Variants in PCDHGB2 observed in about 807,000 individuals in gnomAD.
PCDHGB2 encodes protocadherin gamma subfamily B, 2.
In PCDHGB2, 55 loss-of-function variants were observed where a neutral mutation model predicts 59.3. The observed-to-expected ratio is 0.93, with a 90% CI of 0.75 to 1.16. The LOEUF (loss-of-function observed/expected upper bound fraction) is 1.16, where lower values mean the gene tolerates loss of function less well. PCDHGB2 is among the 50% of genes most tolerant of loss of function. The pLI is 0.00. For missense variants in PCDHGB2, 1,228 were observed against 1,198.5 expected (o/e 1.02, Z -0.36); for synonymous variants, 516 against 512.0 (o/e 1.01, Z -0.11).
chr5:141,367,277 G>T (rs1319740168), intron 1 of PCDHGB2: 2 of 153,324 alleles, frequency 1.3e-5, no homozygotes, highest in African/African-American at 4.8e-5. Context: ...GGTGGCTGAC[G>T]CCTGTAATCC....
intron 1 of PCDHGB2, among the ~76,000 whole-genome samples, chr5:141,450,166 T>TCCCACCACACC (rs1046248061): frequency 2.0e-5 from 3 of 151,062 alleles, no homozygotes; most frequent in African/African-American, 7.3e-5. Flanking sequence ...GCCACCACAC[T>TCCCACCACACC]CCCACCACAC....
chr5:141,456,140 G>A (rs1032104368), intron 1 of PCDHGB2, among the ~76,000 whole-genome samples: 38 of 152,022 alleles, frequency 2.5e-4, no homozygotes, highest in African/African-American at 8.7e-4. Flanking sequence ...CTCCTGATCC[G>A]CCCGCCTCGG....
chr5:141,433,192 A>G (rs756991371), intron 1 of PCDHGB2: 1 of 1,585,516 alleles, frequency 6.3e-7, no homozygotes, highest in Non-Finnish European at 8.6e-7. Flanking sequence ...AGGTGAGTTT[A>G]TATCAAATCT....
rs922592733 is a variant in PCDHGB2 at position 141,487,979 on chromosome 5, C to T, written c.2422-6828C>T. Among the ~76,000 whole-genome samples the T allele has an allele frequency of 1.3e-5, 2 of 152,178 alleles. No individual in the cohort carries two copies. Among genetic ancestry groups the T allele is most frequent in the African/African-American group, 4.8e-5 (2 of 41,442 alleles). The stretch of plus-strand genomic sequence containing the variant: ...TGGACAAAGGTGGCTGTTTTCTCTA[C>T]TCTTCCTGAAAGAGGGGATCAGATT... On this transcript the variant is annotated intron_variant, in intron 1 of 3. Coordinates refer to ENST00000522605, the MANE Select transcript of PCDHGB2 (RefSeq NM_018923.3). The surrounding 1 kb of genome is among the most constrained non-coding windows in gnomAD (Gnocchi z 5.0).
chr5:141,393,080 G>A (rs747012880), intron 1 of PCDHGB2: 1 of 1,613,694 alleles, frequency 6.2e-7, no homozygotes, highest in Non-Finnish European at 8.5e-7. Flanking sequence ...CCGCGGGCAG[G>A]ATAGATCGGG....
rs146273580 is a variant in PCDHGB2 at position 141,382,696 on chromosome 5, A to C, written c.2421+20140A>C. 2.9e-3 allele frequency: 1,317 copies of C among 455,920 alleles called. 5 individuals are homozygous for C. The highest frequency in any genetic ancestry group is 2.7e-3 in the Non-Finnish European group (706 of 261,386). 28.2% of individuals were successfully genotyped at this position (455,920 alleles called of 1,614,324 possible). A position where few individuals can be genotyped will look rare whatever the true frequency, so the allele number is the denominator to read the frequency against. ...TCACCAACCAGGGAAAAATGGTGCG[A>C]GAGATCCCACAGAAACCACCGAGTT... On this transcript the variant is annotated intron_variant, in intron 1 of 3. Transcript: ENST00000522605.
chr5:141,485,093 T>C lies in PCDHGB2; in HGVS notation c.2422-9714T>C. 1 of 1,076,296 alleles carries C rather than the reference T, an allele frequency of 9.3e-7. No homozygotes were observed. Among genetic ancestry groups the C allele is most frequent in the Non-Finnish European group, 1.4e-6 (1 of 718,118 alleles). 66.7% of individuals were successfully genotyped at this position (1,076,296 alleles called of 1,614,324 possible). ...TGGCGCGGGGAAAGGGAGATAGGTG[T>C]CTCCAGCTGCTGTGGCTGTTTGGGG... On this transcript the variant is annotated intron_variant, in intron 1 of 3. Coordinates refer to ENST00000522605, the MANE Select transcript of PCDHGB2 (RefSeq NM_018923.3). The surrounding 1 kb of genome is among the most constrained non-coding windows in gnomAD (Gnocchi z 5.7).
chr5:141,371,347 G>A (rs755497433), intron 1 of PCDHGB2: 1 of 1,613,960 alleles, frequency 6.2e-7, no homozygotes, highest in Non-Finnish European at 8.5e-7. Flanking sequence ...TACACAATTG[G>A]GGTGGAAGCA....
At chr5:141,480,295 G>A (rs1190133739) in intron 1 of PCDHGB2, among the ~76,000 whole-genome samples, 2 of 133,330 alleles carry the variant, frequency 1.5e-5, no homozygotes, top group Admixed American at 7.4e-5. Context: ...TGCACCTGTG[G>A]TACCAGCTAC....
At chr5:141,371,163 G>A (rs79773129) in intron 1 of PCDHGB2, 6 of 1,613,984 alleles carry the variant, frequency 3.7e-6, no homozygotes, top group African/African-American at 1.3e-5. Flanking sequence ...GAACCTGCCC[G>A]CTGGCTCCTC....
At chr5:141,414,639 T>A in intron 1 of PCDHGB2, 1 of 1,613,966 alleles carries the variant, frequency 6.2e-7, no homozygotes, top group South Asian at 1.1e-5. Context: ...GCAAAGAGAA[T>A]GCCCAGATTA....
chr5:141,433,408 A>T lies in PCDHGB2; in HGVS notation c.2422-61399A>T, dbSNP rs1052180455. On this transcript the variant is annotated intron_variant, in intron 1 of 3. Coordinates refer to ENST00000522605, the MANE Select transcript of PCDHGB2 (RefSeq NM_018923.3). Reference sequence around the variant, plus strand: ...CTATCTATCTATCTATCTATCTATTACTTTCTTGTACAGACAGGAGTCTCA... The same window carrying T: ...CTATCTATCTATCTATCTATCTATTTCTTTCTTGTACAGACAGGAGTCTCA... 4.2e-3 allele frequency among the ~76,000 whole-genome samples: 537 copies of T among 127,344 alleles called. 4 individuals carry two copies. The highest frequency in any genetic ancestry group is 0.015 in the African/African-American group (523 of 34,010). 83.5% of individuals were successfully genotyped at this position (127,344 alleles called of 152,430 possible). A position where few individuals can be genotyped will look rare whatever the true frequency, so the allele number is the denominator to read the frequency against.
chr5:141,496,077 C>G (rs1269618753), intron 2 of PCDHGB2, among the ~76,000 whole-genome samples: 1 of 152,042 alleles, frequency 6.6e-6, no homozygotes, highest in African/African-American at 2.4e-5. Flanking sequence ...CACACACAAC[C>G]CCCCACCCAC....
intron 1 of PCDHGB2, among the ~76,000 whole-genome samples, chr5:141,450,547 C>T (rs182695399): frequency 3.4e-4 from 51 of 150,496 alleles, no homozygotes; most frequent in African/African-American, 1.0e-3. Context: ...AATGCAGTGG[C>T]GCAGTCTCGG....
At chr5:141,394,282 C>G (rs375429182) in intron 1 of PCDHGB2, 11 of 1,613,864 alleles carry the variant, frequency 6.8e-6, no homozygotes, top group Non-Finnish European at 8.5e-6. Flanking sequence ...GTCACTTACT[C>G]TGTGACCGAG....
At chr5:141,400,138 A>G (rs1459833287) in intron 1 of PCDHGB2, 4 of 1,614,046 alleles carry the variant, frequency 2.5e-6, no homozygotes, top group Admixed American at 1.7e-5. Context: ...GCTGCCGGAT[A>G]TCACTGACCG....
chr5:141,386,398 C>T (rs904703549), intron 1 of PCDHGB2, among the ~76,000 whole-genome samples: 2 of 151,972 alleles, frequency 1.3e-5, no homozygotes, highest in South Asian at 2.1e-4. Flanking sequence ...ACACTTTTAG[C>T]CAGGTATGGT....
intron 1 of PCDHGB2, chr5:141,389,448 C>T (rs895638491): frequency 1.2e-6 from 2 of 1,610,424 alleles, no homozygotes; most frequent in Non-Finnish European, 1.7e-6. Context: ...CGACCACGAG[C>T]AGCTGCGCGC....
chr5:141,404,021 A>G, intron 1 of PCDHGB2: 1 of 1,613,894 alleles, frequency 6.2e-7, no homozygotes, highest in Non-Finnish European at 8.5e-7. Flanking sequence ...TAGCCCAGTG[A>G]GAGAAGACGC....
Sources: gnomAD v4.1 joint callset for allele counts (sites outside exome capture counted in the v4.1 genomes callset) on GRCh38, gnomAD v4.1.1 for gene constraint, Gnocchi (gnomAD v3.1) non-coding constraint, MANE v1.5 for transcripts, NCBI Gene and HGNC (gene_info 2026-07-23, HGNC 2026-07-21) for gene names.